The following ZNF804A variants were observed in gnomAD, a reference collection of about 807,000 sequenced individuals.
ZNF804A encodes the protein zinc finger protein 804A.
In ZNF804A, 2 loss-of-function variants were observed where a neutral mutation model predicts 16.5. That is an observed-to-expected ratio of 0.12 (90% CI 0.05 to 0.38). The LOEUF is 0.38. Among genes scored for constraint, ZNF804A ranks in the 10% least tolerant of loss-of-function variants. The pLI is 0.99. For missense variants in ZNF804A, 1,473 were observed against 1,390.7 expected (o/e 1.06, Z -0.94); for synonymous variants, 534 against 489.6 (o/e 1.09, Z -1.20).
chr2:184,744,356 T>C (rs1219106391), intron 1 of ZNF804A, among the ~76,000 whole-genome samples: 4 of 151,938 alleles, frequency 2.6e-5, no homozygotes, highest in Non-Finnish European at 4.4e-5. Context: ...AAAATTCATA[T>C]GTTGAAACCC....
chr2:184,673,294 C>T (rs1692367521), intron 1 of ZNF804A, among the ~76,000 whole-genome samples: 1 of 152,162 alleles, frequency 6.6e-6, no homozygotes, highest in Non-Finnish European at 1.5e-5. Flanking sequence ...ATTTTGTATG[C>T]TTTGCAATTA....
chr2:184,933,785 G>A (rs1191311071), intron 3 of ZNF804A, 52 bp downstream of exon 3: 9 of 1,548,910 alleles, frequency 5.8e-6, no homozygotes, highest in South Asian at 1.2e-5. Flanking sequence ...CAAAAAAGGG[G>A]TATAGGGGGA....
intron 1 of ZNF804A, among the ~76,000 whole-genome samples, chr2:184,695,511 T>C (rs1692817671): frequency 6.6e-6 from 1 of 151,320 alleles, no homozygotes; most frequent in South Asian, 2.1e-4. Flanking sequence ...TTTTAAACTT[T>C]TTTTAAGAGA....
chr2:184,898,273 G>A (rs1287564185), intron 2 of ZNF804A, among the ~76,000 whole-genome samples: 1 of 152,034 alleles, frequency 6.6e-6, no homozygotes, highest in Non-Finnish European at 1.5e-5. Flanking sequence ...CTCATACTTT[G>A]TATAAACTGC....
chr2:184,623,420 C>T (rs1310097052), intron 1 of ZNF804A, among the ~76,000 whole-genome samples: 1 of 151,762 alleles, frequency 6.6e-6, no homozygotes, highest in Non-Finnish European at 1.5e-5. Flanking sequence ...GTAAAATATC[C>T]AGAAATTATT....
chr2:184,816,454 T>A (rs1296209331), intron 1 of ZNF804A, among the ~76,000 whole-genome samples: 1 of 152,088 alleles, frequency 6.6e-6, no homozygotes, highest in Non-Finnish European at 1.5e-5. Context: ...TTTCTGTTTC[T>A]AAGTAATTGT....
chr2:184,763,011 T>TA (rs998255132), intron 1 of ZNF804A, among the ~76,000 whole-genome samples: 3 of 152,204 alleles, frequency 2.0e-5, no homozygotes, highest in African/African-American at 7.2e-5. Flanking sequence ...TTAGAATATG[T>TA]AAAAATGTAT....
At chr2:184,827,696 C>G (rs568968020) in intron 1 of ZNF804A, among the ~76,000 whole-genome samples, 1 of 151,278 alleles carries the variant, frequency 6.6e-6, no homozygotes, top group African/African-American at 2.4e-5. Flanking sequence ...GTATTTTTCA[C>G]TTAGCATAAT....
intron 2 of ZNF804A, among the ~76,000 whole-genome samples, chr2:184,912,426 T>C (rs1332901449): frequency 6.6e-6 from 1 of 152,016 alleles, no homozygotes; most frequent in Non-Finnish European, 1.5e-5. Context: ...GTAAAATTTT[T>C]TGTTTGAATA....
intron 1 of ZNF804A, among the ~76,000 whole-genome samples, chr2:184,833,542 TACTTGTTACC>T (rs1441467907): frequency 6.6e-6 from 1 of 152,166 alleles, no homozygotes; most frequent in African/African-American, 2.4e-5. Flanking sequence ...TACATGTGGC[TACTTGTTACC>T]ATGCTTAACA....
At chr2:184,656,419 T>C (rs2105703490) in intron 1 of ZNF804A, among the ~76,000 whole-genome samples, 1 of 152,020 alleles carries the variant, frequency 6.6e-6, no homozygotes, top group East Asian at 1.9e-4. Flanking sequence ...ATCTGAGGAG[T>C]ATTTCAAATA....
intron 1 of ZNF804A, among the ~76,000 whole-genome samples, chr2:184,819,172 A>G (rs1190179659): frequency 6.6e-6 from 1 of 152,122 alleles, no homozygotes; most frequent in Non-Finnish European, 1.5e-5. Flanking sequence ...AATCAGAAGT[A>G]AAACACTCCT....
At chr2:184,856,299 C>A (rs768261336) in intron 1 of ZNF804A, among the ~76,000 whole-genome samples, 2 of 151,874 alleles carry the variant, frequency 1.3e-5, no homozygotes, top group East Asian at 1.9e-4. Flanking sequence ...CTTCTCATTT[C>A]TAGAGGAACC....
At chr2:184,812,121 C>A (rs982513379) in intron 1 of ZNF804A, among the ~76,000 whole-genome samples, 1 of 152,160 alleles carries the variant, frequency 6.6e-6, no homozygotes, top group African/African-American at 2.4e-5. Context: ...ATTTAGGAAA[C>A]CTTTCCTATA....
intron 1 of ZNF804A, among the ~76,000 whole-genome samples, chr2:184,614,275 A>T (rs1217122079): frequency 6.6e-6 from 1 of 152,206 alleles, no homozygotes; most frequent in East Asian, 1.9e-4. Flanking sequence ...CCTTATACAA[A>T]AATTAACTCA....
intron 2 of ZNF804A, among the ~76,000 whole-genome samples, chr2:184,869,720 T>C (rs1436069550): frequency 6.6e-6 from 1 of 152,050 alleles, no homozygotes; most frequent in Non-Finnish European, 1.5e-5. Flanking sequence ...TTTCACTTCA[T>C]GTAGGCTAAT....
chr2:184,860,097 A>C (rs547271443), intron 1 of ZNF804A, among the ~76,000 whole-genome samples: 21 of 152,294 alleles, frequency 1.4e-4, no homozygotes, highest in Non-Finnish European at 2.6e-4. Context: ...GAGTGTCCTC[A>C]GTGTCCATAG....
chr2:184,758,231 A>C (rs933542796), intron 1 of ZNF804A, among the ~76,000 whole-genome samples: 1 of 152,012 alleles, frequency 6.6e-6, no homozygotes, highest in African/African-American at 2.4e-5. Context: ...GTTTTATGAC[A>C]TGAGGAATGA....
chr2:184,618,576 G>A (rs967037322), intron 1 of ZNF804A, among the ~76,000 whole-genome samples: 8 of 151,950 alleles, frequency 5.3e-5, no homozygotes, highest in Non-Finnish European at 7.4e-5. Context: ...TAGCATCCTC[G>A]GATTTTGGTA....
Sources: allele counts gnomAD v4.1 joint callset (sites outside exome capture counted in the v4.1 genomes callset), GRCh38; gene constraint gnomAD v4.1.1; transcripts MANE v1.5; gene names NCBI Gene and HGNC (gene_info 2026-07-23, HGNC 2026-07-21).